ANK2: variants seen among roughly 807,000 people sequenced by gnomAD.
ANK2 encodes ankyrin-2.
ANK2 carries 83 observed loss-of-function variants against 360.5 expected under a neutral mutation model. That is an observed-to-expected ratio of 0.23 (90% confidence interval 0.19 to 0.28). ANK2 has a LOEUF of 0.28. Among genes scored for constraint, ANK2 ranks in the 10% least tolerant of loss-of-function variants. The pLI, the probability that ANK2 is intolerant of heterozygous loss-of-function variation, is 1.00. For missense variants in ANK2, 4,201 were observed against 4,795.7 expected (o/e 0.88, Z 3.66); for synonymous variants, 1,740 against 1,759.5 (o/e 0.99, Z 0.28).
intron 1 of ANK2, among the ~76,000 whole-genome samples, chr4:112,877,361 C>G (rs557001555): frequency 6.6e-6 from 1 of 152,310 alleles, no homozygotes; most frequent in South Asian, 2.1e-4. Context: ...CATGCTCTCT[C>G]TCTTTTTGAG....
intron 2 of ANK2, among the ~76,000 whole-genome samples, chr4:112,996,398 A>AT (rs1287046819): frequency 6.6e-6 from 1 of 152,060 alleles, no homozygotes; most frequent in Admixed American, 6.6e-5. Flanking sequence ...ATATATGCAA[A>AT]TTTTTATGCT....
intron 2 of ANK2, among the ~76,000 whole-genome samples, chr4:113,008,833 G>A (rs2053780551): frequency 6.6e-6 from 1 of 152,078 alleles, no homozygotes; most frequent in South Asian, 2.1e-4. Context: ...GTGGTGGATA[G>A]GAGCAGTCCA....
chr4:113,071,786 G>C (rs760124949), intron 1 of ANK2: 2 of 152,930 alleles, frequency 1.3e-5, no homozygotes, highest in Non-Finnish European at 2.9e-5. Context: ...TGCTAATAAA[G>C]ACATACCCGA....
At chr4:112,754,357 T>A in the ANK2 span, among the ~76,000 whole-genome samples, 1 of 151,340 alleles carries the variant, frequency 6.6e-6, no homozygotes, top group Non-Finnish European at 1.5e-5. Flanking sequence ...AAATAAAATA[T>A]TTGCACCGGA....
Position 113,113,293 on chromosome 4 carries a change from C to T in ANK2, c.85-61123C>T, listed in dbSNP as rs114911669. Among the ~76,000 whole-genome samples the T allele has an allele frequency of 2.7e-3, 412 of 152,080 alleles. 3 individuals are homozygous for T. Among genetic ancestry groups the T allele is most frequent in the Middle Eastern group, 0.014 (4 of 294 alleles). On this transcript the variant is annotated intron_variant, in intron 1 of 45. Transcript: ENST00000357077. Reference sequence around the variant, plus strand: ...ATTTGTGGTAGAGTGACGATATATGCTGTTCAATTGCATAGCTGCTTCTCC... The same window carrying T: ...ATTTGTGGTAGAGTGACGATATATGTTGTTCAATTGCATAGCTGCTTCTCC...
Position 113,043,342 on chromosome 4 carries a change from A to G in ANK2, c.22-131074A>G, listed in dbSNP as rs1227921322. On this transcript the variant is annotated intron_variant, in intron 2 of 30. Coordinates refer to the ANK2 transcript ENST00000503271. Reference sequence around the variant, plus strand: ...AGTATAGACTAACACTAGGACAGACACTTGGCAATTCAGGGAGGGCACTGG... The same window carrying G: ...AGTATAGACTAACACTAGGACAGACGCTTGGCAATTCAGGGAGGGCACTGG... Among the ~76,000 whole-genome samples the G allele has an allele frequency of 2.6e-5, 4 of 152,120 alleles. No homozygotes were observed. The South Asian group carries it at 8.3e-4, about 31-fold the overall frequency.
intron 1 of ANK2, among the ~76,000 whole-genome samples, chr4:112,823,701 T>C (rs72669658): frequency 0.033 from 4,995 of 152,350 alleles, 117 homozygotes; most frequent in Non-Finnish European, 0.05. Flanking sequence ...ATATCTCTTG[T>C]TGTAAACAAA....
chr4:113,078,447 A>AAT (rs1276706495), intron 1 of ANK2, among the ~76,000 whole-genome samples: 3 of 152,172 alleles, frequency 2.0e-5, no homozygotes, highest in Non-Finnish European at 4.4e-5. Context: ...GTGTCGGGGA[A>AAT]ATAAGGTCAA....
intron 2 of ANK2, among the ~76,000 whole-genome samples, chr4:112,954,162 A>G (rs1235927034): frequency 6.6e-6 from 1 of 151,032 alleles, no homozygotes; most frequent in African/African-American, 2.4e-5. Context: ...CCACCCCTGT[A>G]TCCTTCCCTT....
the ANK2 span, chr4:112,788,488 T>C: frequency 1.3e-6 from 2 of 1,590,692 alleles, no homozygotes; most frequent in East Asian, 2.2e-5. Context: ...GGACAGGTGG[T>C]CTCTTGGTGG....
intron 37 of ANK2, among the ~76,000 whole-genome samples, chr4:113,351,747 G>T (rs2095428922): frequency 6.6e-6 from 1 of 151,838 alleles, no homozygotes. Context: ...ATGTTACCAT[G>T]TTGCTATGAT....
At chr4:113,267,586 T>C (rs1312817153) in intron 14 of ANK2, among the ~76,000 whole-genome samples, 1 of 152,226 alleles carries the variant, frequency 6.6e-6, no homozygotes, top group Non-Finnish European at 1.5e-5. Flanking sequence ...TTCTGAGGCC[T>C]CTGTTCTGTT....
intron 1 of ANK2, among the ~76,000 whole-genome samples, chr4:113,082,008 C>T (rs1039979678): frequency 2.0e-5 from 3 of 152,188 alleles, no homozygotes; most frequent in African/African-American, 7.2e-5. Flanking sequence ...GGGGTTTCAC[C>T]ATGTTTGACA....
At chr4:112,852,722 GATA>G (rs2065302246) in intron 1 of ANK2, among the ~76,000 whole-genome samples, 1 of 152,078 alleles carries the variant, frequency 6.6e-6, no homozygotes, top group Admixed American at 6.6e-5. Flanking sequence ...TTCCTTGTTG[GATA>G]ATAATACCCT....
chr4:112,892,169 A>C lies in ANK2; in HGVS notation c.-39-12286A>C, dbSNP rs1249077477. The stretch of plus-strand genomic sequence containing the variant: ...CTAGGTGGCTCTGGGCCAGTGAAAC[A>C]GTTCTGGATTCCAGGGGGAAGGAAG... On this transcript the variant is annotated intron_variant, in intron 1 of 30. Coordinates refer to the ANK2 transcript ENST00000503271. Among the ~76,000 whole-genome samples the C allele has an allele frequency of 2.0e-5, 3 of 152,150 alleles. No homozygotes were observed. In the East Asian group the frequency reaches 5.8e-4, roughly 29 times the overall value.
chr4:113,051,136 T>C (rs142934519), intron 1 of ANK2, among the ~76,000 whole-genome samples: 24 of 152,216 alleles, frequency 1.6e-4, no homozygotes, highest in African/African-American at 5.3e-4. Flanking sequence ...GGCATTTTTA[T>C]AGAGTGTTAG....
intron 17 of ANK2, among the ~76,000 whole-genome samples, chr4:113,279,285 T>C (rs924403795): frequency 1.3e-5 from 2 of 152,180 alleles, no homozygotes; most frequent in Non-Finnish European, 2.9e-5. Context: ...GGGAAAATAT[T>C]TATGCTATAT....
intron 1 of ANK2, among the ~76,000 whole-genome samples, chr4:112,868,546 G>A (rs1402160123): frequency 2.0e-5 from 3 of 152,184 alleles, no homozygotes; most frequent in Admixed American, 2.0e-4. Flanking sequence ...CCTCTTAATG[G>A]TCTCACTTCT....
intron 1 of ANK2, among the ~76,000 whole-genome samples, chr4:112,887,831 C>A (rs2078855634): frequency 1.3e-5 from 2 of 151,942 alleles, no homozygotes; most frequent in African/African-American, 2.4e-5. Flanking sequence ...GTCCATGAGG[C>A]CAGAGACATG....
Sources: allele counts gnomAD v4.1 joint callset (sites outside exome capture counted in the v4.1 genomes callset), GRCh38; gene constraint gnomAD v4.1.1; transcripts MANE v1.5; gene names NCBI Gene and HGNC (gene_info 2026-07-23, HGNC 2026-07-21).